CDH8: variants seen among roughly 807,000 people sequenced by gnomAD.
The protein encoded by CDH8 is cadherin 8.
In CDH8, 17 loss-of-function variants were observed where a neutral mutation model predicts 68.1. The observed-to-expected ratio is 0.25, with a 90% confidence interval of 0.17 to 0.37. The LOEUF (loss-of-function observed/expected upper bound fraction) is 0.37, where lower values mean the gene tolerates loss of function less well. CDH8 is among the 10% of genes least tolerant of loss of function. The pLI is 1.00. For missense variants in CDH8, 763 were observed against 999.3 expected (o/e 0.76, Z 3.19); for synonymous variants, 372 against 365.1 (o/e 1.02, Z -0.21).
chr16:62,012,786 GT>G (rs1210848205), intron 2 of CDH8, among the ~76,000 whole-genome samples: 3 of 152,172 alleles, frequency 2.0e-5, no homozygotes, highest in Admixed American at 2.0e-4. Context: ...CTGAATCAAT[GT>G]CAGAAATTAA....
At chr16:61,740,950 G>A (rs987159202) in intron 8 of CDH8, among the ~76,000 whole-genome samples, 5 of 151,830 alleles carry the variant, frequency 3.3e-5, no homozygotes, top group East Asian at 1.9e-4. Flanking sequence ...TTCAGCTTTC[G>A]CATTTTTTTC....
intron 2 of CDH8, among the ~76,000 whole-genome samples, chr16:61,983,493 A>G (rs1464542488): frequency 6.6e-6 from 1 of 152,196 alleles, no homozygotes; most frequent in African/African-American, 2.4e-5. Flanking sequence ...TTACAGCCTA[A>G]ATTTTTCTGT....
At chr16:61,746,364 G>A (rs1463196416) in intron 8 of CDH8, among the ~76,000 whole-genome samples, 1 of 151,898 alleles carries the variant, frequency 6.6e-6, no homozygotes, top group Non-Finnish European at 1.5e-5. Context: ...GTTAAACTCT[G>A]AAAGGAATAC....
intron 2 of CDH8, among the ~76,000 whole-genome samples, chr16:61,975,357 A>G (rs1201794915): frequency 6.6e-6 from 1 of 152,212 alleles, no homozygotes; most frequent in Non-Finnish European, 1.5e-5. Context: ...TGTCAGATAT[A>G]GAATGGTGGG....
intron 5 of CDH8, among the ~76,000 whole-genome samples, chr16:61,822,205 C>CTTTTTTTTTTTTT (rs71707137): frequency 2.2e-5 from 1 of 45,648 alleles, no homozygotes; most frequent in African/African-American, 1.1e-4. Context: ...AAAAACGCAC[C>CTTTTTTTTTTTTT]TTTTTTTTTT....
chr16:61,957,034 T>C (rs1387911671), intron 2 of CDH8, among the ~76,000 whole-genome samples: 1 of 152,240 alleles, frequency 6.6e-6, no homozygotes, highest in Non-Finnish European at 1.5e-5. Flanking sequence ...TAGGTGTTAA[T>C]GTAATATTGC....
chr16:61,941,249 G>A (rs1964719431), intron 2 of CDH8, among the ~76,000 whole-genome samples: 1 of 152,104 alleles, frequency 6.6e-6, no homozygotes. Context: ...CTAGAAATGT[G>A]GCTAATACCT....
At chr16:61,832,864 G>A (rs997319374) in intron 4 of CDH8, among the ~76,000 whole-genome samples, 4 of 151,616 alleles carry the variant, frequency 2.6e-5, no homozygotes, top group Non-Finnish European at 5.9e-5. Flanking sequence ...GTGTTATATG[G>A]TGCATATAAA....
chr16:61,766,791 A>G (rs2142979024), intron 8 of CDH8, among the ~76,000 whole-genome samples: 1 of 152,076 alleles, frequency 6.6e-6, no homozygotes, highest in East Asian at 1.9e-4. Flanking sequence ...TTCAGTATCT[A>G]TTCATCGTAA....
intron 1 of CDH8, among the ~76,000 whole-genome samples, chr16:62,031,392 G>T (rs559953541): frequency 2.6e-5 from 4 of 152,194 alleles, no homozygotes; most frequent in Non-Finnish European, 5.9e-5. Context: ...GGATATGATT[G>T]TATCTCTTTC....
At position 61,691,893 on chromosome 16, in the gene CDH8, T is replaced by C. The variant is rs532917482; in HGVS notation, c.1654+21948A>G. 3.9e-4 allele frequency: 59 copies of C among 152,210 alleles called. 1 individual carries two copies. The highest frequency in any genetic ancestry group is 1.1e-3 in the Admixed American group (17 of 15,278). 9.4% of individuals were successfully genotyped at this position (152,210 alleles called of 1,614,324 possible). On this transcript the variant is annotated intron_variant, in intron 10 of 11. Coordinates refer to ENST00000577390, the MANE Select transcript of CDH8 (RefSeq NM_001796.5). ...TTATTAGACATTGACAGCTGCTGAA[T>C]TTTTTCCTATTTAGACATTAATAAT... is the stretch of plus-strand genomic sequence containing the variant.
intron 9 of CDH8, chr16:61,726,823 C>T (rs1366129663): frequency 2.1e-6 from 1 of 470,000 alleles, no homozygotes; most frequent in Non-Finnish European, 3.7e-6. Flanking sequence ...TGCTATCATC[C>T]ATATCCCAAG....
At chr16:61,784,425 AG>A (rs1961176260) in intron 8 of CDH8, among the ~76,000 whole-genome samples, 1 of 150,620 alleles carries the variant, frequency 6.6e-6, no homozygotes, top group African/African-American at 2.4e-5. Flanking sequence ...AGGAGCACCA[AG>A]ATTCATGAAG....
At chr16:61,910,338 C>CAA (rs34671955) in intron 2 of CDH8, among the ~76,000 whole-genome samples, 13 of 120,822 alleles carry the variant, frequency 1.1e-4, no homozygotes, top group East Asian at 4.9e-4. Flanking sequence ...CAAGCAGCCA[C>CAA]AAAAAAAAAA....
chr16:61,868,473 T>C (rs1251368953), intron 3 of CDH8, among the ~76,000 whole-genome samples: 1 of 152,232 alleles, frequency 6.6e-6, no homozygotes, highest in South Asian at 2.1e-4. Context: ...ACGGTAAGGG[T>C]TTTCTCTACT....
At chr16:61,875,429 C>T (rs952335528) in intron 3 of CDH8, among the ~76,000 whole-genome samples, 1 of 152,102 alleles carries the variant, frequency 6.6e-6, no homozygotes. Context: ...TTAACTGATC[C>T]TCCGTGTAAT....
chr16:61,903,517 G>T (rs1036530408), intron 2 of CDH8, among the ~76,000 whole-genome samples: 1 of 151,968 alleles, frequency 6.6e-6, no homozygotes, highest in Admixed American at 6.6e-5. Context: ...TAGAGACAGG[G>T]TTTCACTGTG....
intron 8 of CDH8, among the ~76,000 whole-genome samples, chr16:61,761,054 T>C (rs748156589): frequency 6.6e-6 from 1 of 152,174 alleles, no homozygotes; most frequent in African/African-American, 2.4e-5. Context: ...TATCATCACA[T>C]GACATTGATT....
At chr16:61,840,084 T>C (rs780849045) in intron 4 of CDH8, among the ~76,000 whole-genome samples, 38 of 152,130 alleles carry the variant, frequency 2.5e-4, no homozygotes, top group South Asian at 8.3e-4. Flanking sequence ...ACTAATGCCT[T>C]GTTTACTCCC....
Sources: gnomAD v4.1 joint callset for allele counts (sites outside exome capture counted in the v4.1 genomes callset) on GRCh38, gnomAD v4.1.1 for gene constraint, MANE v1.5 for transcripts, NCBI Gene and HGNC (gene_info 2026-07-23, HGNC 2026-07-21) for gene names.